Variants in KMT2B observed in about 807,000 individuals in gnomAD.
The protein encoded by KMT2B is histone-lysine N-methyltransferase 2B.
In KMT2B, 22 loss-of-function variants were observed where a neutral mutation model predicts 255.3. That is an observed-to-expected ratio of 0.09 (90% CI 0.06 to 0.12). The LOEUF is 0.12. KMT2B is among the 10% of genes least tolerant of loss of function. The pLI, the probability that KMT2B is intolerant of heterozygous loss-of-function variation, is 1.00. For missense variants in KMT2B, 3,149 were observed against 3,737.0 expected (o/e 0.84, Z 4.10); for synonymous variants, 1,730 against 1,498.1 (o/e 1.15, Z -3.57).
In KMT2B at chr19:35,727,481, G is replaced by A. The variant is rs1969505625; in HGVS notation, c.4161G>A (p.Leu1387=). ...TTTCAGGACTGCCAGACTCGGTGCT[G>A]TACACCTGCGGACCGTGTGCTGGGG... ...EILSGLPDSV[L]YTCGPCAGAA... is the part of the protein sequence containing the mutation. Residue 1387 remains leucine (L), a synonymous_variant, in exon 16 of 37, where the codon CTG becomes CTA. Coordinates refer to ENST00000420124, the MANE Select transcript of KMT2B (RefSeq NM_014727.3). The surrounding 1 kb of genome is among the most constrained non-coding windows in gnomAD (Gnocchi z 4.2). 1 of 1,612,706 alleles carries A rather than the reference G, an allele frequency of 6.2e-7. No homozygotes were observed. Among genetic ancestry groups the A allele is most frequent in the Non-Finnish European group, 8.5e-7 (1 of 1,179,856 alleles).
chr19:35,724,917 A>G, intron 9 of KMT2B, 72 bp from the exon 10 acceptor site: 1 of 1,194,936 alleles, frequency 8.4e-7, no homozygotes, highest in South Asian at 1.3e-5. Flanking sequence ...GGCTGGGGGA[A>G]AGGCGGTGAG....
rs1969187729 is a variant in KMT2B, at chr19:35,721,219, C to T, written c.1872C>T (p.Ala624=). The T allele has an allele frequency of 3.4e-6, 5 of 1,472,322 alleles. No individual in the cohort carries two copies. Among genetic ancestry groups the T allele is most frequent in the East Asian group, 2.5e-5 (1 of 39,942 alleles). The allele number at this position is 1,472,322 out of a possible 1,614,324, so 91.2% of individuals were successfully genotyped here. A position where few individuals can be genotyped will look rare whatever the true frequency, so the allele number is the denominator to read the frequency against. The change falls in exon 3 of 37, where the codon GCC becomes GCT. Residue 624 remains alanine, a synonymous_variant. Coordinates refer to ENST00000420124, the MANE Select transcript of KMT2B (RefSeq NM_014727.3). Reference sequence around the variant, plus strand: ...GGGAGCTGCCCCCTCCTCCCCCAGCCCCTCCACCTCCCCCGGCCCCCTCCC... The same window carrying T: ...GGGAGCTGCCCCCTCCTCCCCCAGCTCCTCCACCTCCCCCGGCCCCCTCCC... The part of the protein sequence containing the change: ...LTRELPPPPP[A]PPPPPAPSPP...
In KMT2B at chr19:35,722,557, T is replaced by A. The variant is rs1358245415; in HGVS notation, c.2572-11T>A. 6.2e-7 allele frequency: 1 copy of A among 1,600,120 alleles called. No homozygotes were observed. Among genetic ancestry groups the A allele is most frequent in the South Asian group, 1.1e-5 (1 of 89,970 alleles). Reference sequence around the variant, plus strand: ...GCAAGCTGCCCACACACACTCCGATTTCTCCCCCAGGGTCCCGAGTCCCCT... The same window carrying A: ...GCAAGCTGCCCACACACACTCCGATATCTCCCCCAGGGTCCCGAGTCCCCT... On this transcript the variant is annotated splice_polypyrimidine_tract_variant and intron_variant, in intron 4 of 36. Transcript: ENST00000420124.
rs1412191150 is a variant in KMT2B at position 35,722,705 on chromosome 19, C to G, written c.2709C>G (p.Asp903Glu). The change falls in exon 5 of 37, where the codon GAC becomes GAG. Residue 903 changes from aspartate (D) to glutamate (E), a missense_variant. By Grantham distance (45) the Asp-to-Glu change is conservative. Transcript: ENST00000420124. ...LSALPLRDRQ[D>E]LATEDTSSAS... ...CCCTCCCTCTCCGGGATCGGCAGGA[C>G]CTCGCCACAGAGGGTAGGTGGGGAG... 3 of 1,601,350 alleles carry G rather than the reference C, an allele frequency of 1.9e-6. No individual in the cohort carries two copies. Among genetic ancestry groups the G allele is most frequent in the Non-Finnish European group, 2.6e-6 (3 of 1,173,644 alleles).
chr19:35,725,710 C>T lies in KMT2B; in HGVS notation c.3790-13C>T. 6.2e-7 allele frequency: 1 copy of T among 1,612,580 alleles called. No individual in the cohort carries two copies. Among genetic ancestry groups the T allele is most frequent in the Non-Finnish European group, 8.5e-7 (1 of 1,179,364 alleles). On this transcript the variant is annotated splice_polypyrimidine_tract_variant and intron_variant, in intron 12 of 36. Coordinates refer to ENST00000420124, the MANE Select transcript of KMT2B (RefSeq NM_014727.3). The surrounding 1 kb of genome is among the most constrained non-coding windows in gnomAD (Gnocchi z 4.1). ...CCAGCAGGTTTCGCCATCTCTGTCT[C>T]CACATCCAACAGCACCTCCTGGAGT...
chr19:35,727,457 T>C lies in KMT2B; in HGVS notation c.4137T>C (p.Leu1379=), dbSNP rs764955029. The change falls in exon 16 of 37, where the codon CTT becomes CTC. Residue 1379 remains leucine (L), a synonymous_variant. Coordinates refer to ENST00000420124, the MANE Select transcript of KMT2B (RefSeq NM_014727.3). The surrounding 1 kb of genome is among the most constrained non-coding windows in gnomAD (Gnocchi z 4.2). ...EGLSDEDYEI[L]SGLPDSVLYT... is the part of the protein sequence containing the mutation. ...TCCTAGATGAAGACTACGAGATCCTTTCAGGACTGCCAGACTCGGTGCTGT... is the reference window on the plus strand; with the variant it reads ...TCCTAGATGAAGACTACGAGATCCTCTCAGGACTGCCAGACTCGGTGCTGT... The C allele has an allele frequency of 6.2e-7, 1 of 1,613,158 alleles. No individual in the cohort carries two copies.
chr19:35,733,416 G>C lies in KMT2B; in HGVS notation c.6867G>C (p.Pro2289=). The C allele has an allele frequency of 6.5e-7, 1 of 1,539,396 alleles. No homozygotes were observed. The highest frequency in any genetic ancestry group is 8.8e-7 in the Non-Finnish European group (1 of 1,140,242). Reference sequence around the variant, plus strand: ...TGTCCACTTTCTCCGGCCGGTCCCCGCCAGCACCTCCCCCATACAAAGCCC... The same window carrying C: ...TGTCCACTTTCTCCGGCCGGTCCCCCCCAGCACCTCCCCCATACAAAGCCC... ...KRVSTFSGRS[P]PAPPPYKAPR... is the part of the protein sequence containing the mutation. The change falls in exon 28 of 37, where the codon CCG becomes CCC. Residue 2289 remains proline, a synonymous_variant. Coordinates refer to ENST00000420124, the MANE Select transcript of KMT2B (RefSeq NM_014727.3). This position sits in a 1 kb window ranked among gnomAD's most constrained non-coding sequence, Gnocchi z 4.3.
chr19:35,738,870 ATGTT>A lies in KMT2B; in HGVS notation c.*316_*319del. On this transcript the variant is annotated 3_prime_UTR_variant, in exon 37 of 37. Coordinates refer to ENST00000420124, the MANE Select transcript of KMT2B (RefSeq NM_014727.3). The surrounding 1 kb of genome is among the most constrained non-coding windows in gnomAD (Gnocchi z 8.7). ...AACCCCCCCACAATAAAGTCTGTCA[ATGTT>A]TGGAGAGGTGGTCTTCCCATTTGTA... 1 of 469,134 alleles carries A rather than the reference ATGTT, an allele frequency of 2.1e-6. No homozygotes were observed. The highest frequency in any genetic ancestry group is 3.1e-5 in the South Asian group (1 of 32,558). The allele number at this position is 469,134 out of a possible 1,614,324, so 29.1% of individuals were successfully genotyped here. A position where few individuals can be genotyped will look rare whatever the true frequency, so the allele number is the denominator to read the frequency against.
rs1969207157 is a variant in KMT2B, at chr19:35,721,506, C to T, written c.2159C>T (p.Ser720Phe). 1 of 1,612,334 alleles carries T rather than the reference C, an allele frequency of 6.2e-7. No individual in the cohort carries two copies. Among genetic ancestry groups the T allele is most frequent in the South Asian group, 1.1e-5 (1 of 91,080 alleles). Residue 720 changes from serine (S) to phenylalanine (F), a missense_variant, in exon 3 of 37, where the codon TCC (serine) becomes TTC (phenylalanine). This residue lies in a region of KMT2B where 1,188 missense variants were observed against 1,106.4 expected (regional missense o/e 1.07). Transcript: ENST00000420124. ...ACCACTCCTGTTAAGGCCGAGGTGTCCCCTCACGGGGCTCCAGCTCTGAGC... is the reference window on the plus strand; with the variant it reads ...ACCACTCCTGTTAAGGCCGAGGTGTTCCCTCACGGGGCTCCAGCTCTGAGC... ...VVTTPVKAEV[S>F]PHGAPALSNG...
Position 35,720,365 on chromosome 19 carries a change from C to A in KMT2B, c.1018C>A (p.Pro340Thr). 1 of 1,601,578 alleles carries A rather than the reference C, an allele frequency of 6.2e-7. No individual in the cohort carries two copies. Among genetic ancestry groups the A allele is most frequent in the Non-Finnish European group, 8.5e-7 (1 of 1,173,998 alleles). Residue 340 changes from proline to threonine, a missense_variant, in exon 3 of 37, where the codon CCC (proline) becomes ACC (threonine). By Grantham distance (38) the Pro-to-Thr change is conservative. This residue lies in a region of KMT2B where 1,188 missense variants were observed against 1,106.4 expected (regional missense o/e 1.07). Transcript: ENST00000420124. ...GQHEESWQDV[P>T]QRRVGSGQGG... ...ACATGAGGAAAGTTGGCAGGATGTC[C>A]CCCAAAGAAGAGTTGGATCTGGACA...
chr19:35,720,257 G>C lies in KMT2B; in HGVS notation c.910G>C (p.Val304Leu). The C allele has an allele frequency of 6.2e-7, 1 of 1,613,000 alleles. No individual in the cohort carries two copies. The highest frequency in any genetic ancestry group is 1.1e-5 in the South Asian group (1 of 90,886). ...CGGCCGAGGTGGTGGGCTCCCCTTTGTGATCAAGTTTGTTTCAAGGGCCAA... is the reference window on the plus strand; with the variant it reads ...CGGCCGAGGTGGTGGGCTCCCCTTTCTGATCAAGTTTGTTTCAAGGGCCAA... ...GRGRGGGLPF[V>L]IKFVSRAKKV... Residue 304 changes from valine (V) to leucine (L), a missense_variant, in exon 3 of 37, where the codon GTG (valine) becomes CTG (leucine). Coordinates refer to ENST00000420124, the MANE Select transcript of KMT2B (RefSeq NM_014727.3).
rs73590576 is a variant in KMT2B at position 35,718,879 on chromosome 19, G to T, written c.363+498G>T. On this transcript the variant is annotated intron_variant, in intron 1 of 36. Transcript: ENST00000420124. The surrounding 1 kb of genome is among the most constrained non-coding windows in gnomAD (Gnocchi z 5.0). The stretch of plus-strand genomic sequence containing the variant: ...TCCTCTTGGGGCTCGGGTTGAACAG[G>T]AGTGGGATGAAGGCCGGGACTGGGC... Among the ~76,000 whole-genome samples, 16,082 of 152,172 alleles carry T rather than the reference G, an allele frequency of 0.11. 938 individuals carry two copies. Among genetic ancestry groups the T allele is most frequent in the South Asian group, 0.11 (520 of 4,822 alleles).
Position 35,721,207 on chromosome 19 carries a change from TCCTC to T in KMT2B, c.1863_1866del (p.Pro622GlnfsTer37). On this transcript the variant is annotated frameshift_variant, in exon 3 of 37. Coordinates refer to ENST00000420124, the MANE Select transcript of KMT2B (RefSeq NM_014727.3). LOFTEE classifies it high-confidence loss of function. The stretch of plus-strand genomic sequence containing the variant: ...CCTCACTGACCCGGGAGCTGCCCCC[TCCTC>T]CCCCAGCCCCTCCACCTCCCCCGGC... The T allele has an allele frequency of 1.0e-6, 1 of 986,226 alleles. No homozygotes were observed. Among genetic ancestry groups the T allele is most frequent in the Non-Finnish European group, 1.3e-6 (1 of 766,644 alleles). 61.1% of individuals were successfully genotyped at this position (986,226 alleles called of 1,614,324 possible). A position where few individuals can be genotyped will look rare whatever the true frequency, so the allele number is the denominator to read the frequency against.
Position 35,721,264 on chromosome 19 carries a change from C to A in KMT2B, c.1917C>A (p.Thr639=). Residue 639 remains threonine (T), a synonymous_variant, in exon 3 of 37, where the codon ACC becomes ACA. Coordinates refer to ENST00000420124, the MANE Select transcript of KMT2B (RefSeq NM_014727.3). ...CCTCCCCACCCCCTGCTCCTGCCAC[C>A]TCCTCCCGGAGGCCCCTACTCCTTC... ...PAPSPPPAPA[T]SSRRPLLLRA... 6.5e-7 allele frequency: 1 copy of A among 1,536,346 alleles called. No homozygotes were observed. The highest frequency in any genetic ancestry group is 1.4e-5 in the African/African-American group (1 of 71,726).
Position 35,730,864 on chromosome 19 carries a change from T to C in KMT2B, c.5434T>C (p.Ser1812Pro). 1 of 1,602,628 alleles carries C rather than the reference T, an allele frequency of 6.2e-7. No individual in the cohort carries two copies. The highest frequency in any genetic ancestry group is 8.5e-7 in the Non-Finnish European group (1 of 1,174,364). The change falls in exon 26 of 37, where the codon TCA becomes CCA. Residue 1812 changes from serine to proline, a missense_variant. Physicochemically the swap from Ser to Pro is moderately conservative, Grantham distance 74. Around this residue, in one of 18 missense-constraint regions of KMT2B, gnomAD observed 897 missense variants for 825.3 expected, o/e 1.09. Coordinates refer to ENST00000420124, the MANE Select transcript of KMT2B (RefSeq NM_014727.3). ...CATTGTGCACAGCCCCGCCCCTTCC[T>C]CAGGTGTGGCTTTGGCTCTGTCTTC... The part of the protein sequence containing the change: ...QTIVHSPAPS[S>P]EPPGGEDPPL...
At position 35,737,991 on chromosome 19, in the gene KMT2B, C is replaced by A. The variant is rs774297340; in HGVS notation, c.7742+49C>A. ...TGCCCCTTGGGTGGACGGACAGGTG[C>A]ACTGGGTAGGGGGTACTGTCTGGTT... On this transcript the variant is annotated intron_variant, in intron 35 of 36. Transcript: ENST00000420124. The surrounding 1 kb of genome is among the most constrained non-coding windows in gnomAD (Gnocchi z 5.3). 6.2e-7 allele frequency: 1 copy of A among 1,610,510 alleles called. No individual in the cohort carries two copies. The highest frequency in any genetic ancestry group is 2.2e-5 in the East Asian group (1 of 44,808).
At chr19:35,734,234 A>C (rs1969835273) in intron 30 of KMT2B, among the ~76,000 whole-genome samples, 1 of 151,958 alleles carries the variant, frequency 6.6e-6, no homozygotes, top group African/African-American at 2.4e-5. Context: ...CACCGAGATG[A>C]GGGTCAGGGA....
chr19:35,737,297 G>A lies in KMT2B; in HGVS notation c.7550+34G>A. 22 of 1,465,526 alleles carry A rather than the reference G, an allele frequency of 1.5e-5. No individual in the cohort carries two copies. The highest frequency in any genetic ancestry group is 2.0e-5 in the Non-Finnish European group (22 of 1,109,622). The allele number at this position is 1,465,526 out of a possible 1,614,324, so 90.8% of individuals were successfully genotyped here. A position where few individuals can be genotyped will look rare whatever the true frequency, so the allele number is the denominator to read the frequency against. On this transcript the variant is annotated intron_variant, in intron 33 of 36. Coordinates refer to ENST00000420124, the MANE Select transcript of KMT2B (RefSeq NM_014727.3). The surrounding 1 kb of genome is among the most constrained non-coding windows in gnomAD (Gnocchi z 5.3). Reference sequence around the variant, plus strand: ...TCTGGGGTGTGATGCCTGGGTCAGGGCGCCCCTATGAGAGCTCTTGAGGGT... The same window carrying A: ...TCTGGGGTGTGATGCCTGGGTCAGGACGCCCCTATGAGAGCTCTTGAGGGT...
chr19:35,721,242 C>T lies in KMT2B; in HGVS notation c.1895C>T (p.Ser632Phe). The change falls in exon 3 of 37, where the codon TCC (serine) becomes TTC (phenylalanine). Residue 632 changes from serine to phenylalanine, a missense_variant. Coordinates refer to ENST00000420124, the MANE Select transcript of KMT2B (RefSeq NM_014727.3). ...PPAPPPPPAP[S>F]PPPAPATSSR... ...GCCCCTCCACCTCCCCCGGCCCCCT[C>T]CCCACCCCCTGCTCCTGCCACCTCC... 1 of 1,507,228 alleles carries T rather than the reference C, an allele frequency of 6.6e-7. No individual in the cohort carries two copies. The highest frequency in any genetic ancestry group is 8.9e-7 in the Non-Finnish European group (1 of 1,120,332). The allele number at this position is 1,507,228 out of a possible 1,614,324, so 93.4% of individuals were successfully genotyped here.
Sources: allele counts gnomAD v4.1 joint callset (sites outside exome capture counted in the v4.1 genomes callset), GRCh38; gene constraint gnomAD v4.1.1; regional missense constraint gnomAD v4.1.1; non-coding constraint Gnocchi (gnomAD v3.1); transcripts MANE v1.5; gene names NCBI Gene and HGNC (gene_info 2026-07-23, HGNC 2026-07-21).